COPS7B: variants seen among roughly 807,000 people sequenced by gnomAD.
The protein encoded by COPS7B is COP9 signalosome subunit 7B, also known as COP9 signalosome complex subunit 7b.
Under a neutral mutation model 33.4 loss-of-function variants are expected in COPS7B, and 9 were observed. The ratio of observed to expected loss-of-function variants is 0.27; its 90% CI spans 0.16 to 0.47. The LOEUF (loss-of-function observed/expected upper bound fraction) is 0.47. Among genes scored for constraint, COPS7B ranks in the 20% least tolerant of loss-of-function variants. COPS7B has a pLI of 0.99. For synonymous variants in COPS7B, 119 were observed against 126.3 expected (o/e 0.94, Z 0.39); for missense variants, 242 against 318.2 (o/e 0.76, Z 1.82).
chr2:231,797,206 C>G (rs2049596975), intron 5 of COPS7B, among the ~76,000 whole-genome samples: 1 of 152,112 alleles, frequency 6.6e-6, no homozygotes. Context: ...CCGAGAGAAG[C>G]ATATCCAGAG....
chr2:231,807,364 G>C, intron 6 of COPS7B, 123 bp from the exon 7 acceptor site: 1 of 973,640 alleles, frequency 1.0e-6, no homozygotes, highest in South Asian at 2.1e-5. Flanking sequence ...CTGGATTTCT[G>C]AAGAGAATTT....
At chr2:231,794,834 C>T (rs192694635) in intron 4 of COPS7B, among the ~76,000 whole-genome samples, 343 of 152,156 alleles carry the variant, frequency 2.3e-3, no homozygotes, top group African/African-American at 7.9e-3. Context: ...CAGCTCACTG[C>T]AACCTCTGCC....
rs752615287 is a variant in COPS7B, at chr2:231,807,480, C to G, written c.637-7C>G. The G allele has an allele frequency of 3.1e-6, 5 of 1,609,172 alleles. No individual in the cohort carries two copies. The highest frequency in any genetic ancestry group is 4.2e-6 in the Non-Finnish European group (5 of 1,177,396). The stretch of plus-strand genomic sequence containing the variant: ...CTGAGCACTCCAATTCTATATCTCC[C>G]CACCAGGTTACCAACATCAAGAAGA... On this transcript the variant is annotated splice_region_variant and splice_polypyrimidine_tract_variant and intron_variant, in intron 6 of 6. Transcript: ENST00000350033.
chr2:231,802,048 T>G (rs1250679386), intron 6 of COPS7B, among the ~76,000 whole-genome samples: 1 of 152,198 alleles, frequency 6.6e-6, no homozygotes, highest in African/African-American at 2.4e-5. Flanking sequence ...GTGCTGAGAT[T>G]ACAGGCCTGA....
At chr2:231,802,022 G>A (rs1170417171) in intron 6 of COPS7B, among the ~76,000 whole-genome samples, 1 of 152,120 alleles carries the variant, frequency 6.6e-6, no homozygotes, top group Non-Finnish European at 1.5e-5. Flanking sequence ...TGATCCGCCT[G>A]CCTCGGTCTC....
chr2:231,786,435 G>A (rs190450671), upstream of COPS7B: 1,692 of 985,932 alleles, frequency 1.7e-3, 41 homozygotes, highest in Admixed American at 0.053. Flanking sequence ...GGCGGAGACA[G>A]AAAAGCGCCG....
At chr2:231,799,549 T>C (rs111677151) in intron 6 of COPS7B, among the ~76,000 whole-genome samples, 6 of 152,246 alleles carry the variant, frequency 3.9e-5, no homozygotes. Flanking sequence ...AGTGTGGTTT[T>C]AGTGACACCT....
upstream of COPS7B, among the ~76,000 whole-genome samples, chr2:231,782,895 T>A (rs960671275): frequency 6.6e-6 from 1 of 152,182 alleles, no homozygotes; most frequent in African/African-American, 2.4e-5. Flanking sequence ...TACACCCCTG[T>A]CGCCACTACC....
At chr2:231,794,090 T>C (rs2049496735) in intron 3 of COPS7B, 173 bp from the exon 4 acceptor site, 2 of 518,952 alleles carry the variant, frequency 3.9e-6, no homozygotes, top group Non-Finnish European at 6.8e-6. Flanking sequence ...TTTTCTTCTT[T>C]GGAAGTACAT....
intron 4 of COPS7B, among the ~76,000 whole-genome samples, chr2:231,795,893 G>A (rs2049552954): frequency 6.6e-6 from 1 of 152,190 alleles, no homozygotes; most frequent in African/African-American, 2.4e-5. Context: ...TGAAGCCAAG[G>A]AGGCAGAGAA....
upstream of COPS7B, among the ~76,000 whole-genome samples, chr2:231,782,131 G>A (rs752856284): frequency 6.6e-6 from 1 of 152,166 alleles, no homozygotes; most frequent in African/African-American, 2.4e-5. Flanking sequence ...AGAGGCGAAG[G>A]GATTGGCCAC....
In COPS7B at chr2:231,808,660, A is replaced by G; in HGVS notation, c.*1015A>G. The G allele has an allele frequency of 3.0e-6, 1 of 334,088 alleles. No individual in the cohort carries two copies. The allele number at this position is 334,088 out of a possible 1,614,324, so 20.7% of individuals were successfully genotyped here. A position where few individuals can be genotyped will look rare whatever the true frequency, so the allele number is the denominator to read the frequency against. On this transcript the variant is annotated 3_prime_UTR_variant, in exon 7 of 7. Transcript: ENST00000350033. ...TTCTGAACTTGAACAGTTTCAGGTT[A>G]TATTTTAATTTTTTTTTTTTTGTAC...
chr2:231,786,737 C>T (rs1180390383), intron 1 of COPS7B, among the ~76,000 whole-genome samples, 199 bp downstream of exon 1: 1 of 152,210 alleles, frequency 6.6e-6, no homozygotes. Flanking sequence ...TCTGCTGCAG[C>T]TTGCGACCCT....
At chr2:231,799,123 C>CA (rs1277834826) in intron 6 of COPS7B, among the ~76,000 whole-genome samples, 159 bp downstream of exon 6, 2 of 152,216 alleles carry the variant, frequency 1.3e-5, no homozygotes, top group African/African-American at 4.8e-5. Context: ...ATGAGTGTGA[C>CA]ACGGCTCCTG....
At chr2:231,783,337 T>C (rs1039779802), upstream of COPS7B, among the ~76,000 whole-genome samples, 3 of 152,184 alleles carry the variant, frequency 2.0e-5, no homozygotes, top group African/African-American at 4.8e-5. Context: ...TCAGTGATAG[T>C]AGACATTGCC....
chr2:231,807,933 G>T lies in COPS7B; in HGVS notation c.*288G>T, dbSNP rs553250324. The T allele has an allele frequency of 2.7e-5, 8 of 297,886 alleles. No individual in the cohort carries two copies. In the South Asian group the frequency reaches 6.2e-4, roughly 23 times the overall value. 18.5% of individuals were successfully genotyped at this position (297,886 alleles called of 1,614,324 possible). A position where few individuals can be genotyped will look rare whatever the true frequency, so the allele number is the denominator to read the frequency against. On this transcript the variant is annotated 3_prime_UTR_variant, in exon 7 of 7. Transcript: ENST00000350033. ...CAGGAGGTTCTTGTCTCTGTGTAAGGGCTTGTCTCCCTCCCAGTTTTTCTT... is the reference window on the plus strand; with the variant it reads ...CAGGAGGTTCTTGTCTCTGTGTAAGTGCTTGTCTCCCTCCCAGTTTTTCTT...
At chr2:231,802,861 G>T (rs1294864048) in intron 6 of COPS7B, among the ~76,000 whole-genome samples, 1 of 152,234 alleles carries the variant, frequency 6.6e-6, no homozygotes, top group African/African-American at 2.4e-5. Context: ...TGTTGTAAAT[G>T]CAGTGGTAAA....
chr2:231,793,096 T>C (rs533547073), intron 3 of COPS7B, among the ~76,000 whole-genome samples: 2 of 152,336 alleles, frequency 1.3e-5, no homozygotes, highest in East Asian at 3.9e-4. Flanking sequence ...AGTTGTGTGT[T>C]CGTTGACAAA....
At chr2:231,784,806 T>C (rs1434893523), upstream of COPS7B, among the ~76,000 whole-genome samples, 1 of 152,192 alleles carries the variant, frequency 6.6e-6, no homozygotes, top group African/African-American at 2.4e-5. Context: ...CAATTGCCAC[T>C]ACCTTTGTTT....
Sources: gnomAD v4.1 joint callset for allele counts (sites outside exome capture counted in the v4.1 genomes callset) on GRCh38, gnomAD v4.1.1 for gene constraint, MANE v1.5 for transcripts, NCBI Gene and HGNC (gene_info 2026-07-23, HGNC 2026-07-21) for gene names.